Variants in MCTP1 observed in about 807,000 individuals in gnomAD.
MCTP1 encodes multiple C2 and transmembrane domain-containing protein 1.
Under a neutral mutation model 120.6 loss-of-function variants are expected in MCTP1, and 69 were observed. That is an observed-to-expected ratio of 0.57 (90% confidence interval 0.47 to 0.70). The LOEUF is 0.70. MCTP1 is among the 30% of genes least tolerant of loss of function. The pLI, the probability that MCTP1 is intolerant of heterozygous loss-of-function variation, is 0.00. For synonymous variants in MCTP1, 529 were observed against 493.1 expected (o/e 1.07, Z -0.96); for missense variants, 1,203 against 1,248.8 (o/e 0.96, Z 0.55).
chr5:94,911,001 A>G (rs976949524), intron 9 of MCTP1, among the ~76,000 whole-genome samples: 1 of 152,104 alleles, frequency 6.6e-6, no homozygotes, highest in African/African-American at 2.4e-5. Context: ...TCCCTATATT[A>G]TTTCCTTCAG....
chr5:95,166,391 T>C (rs1746360462), intron 1 of MCTP1, among the ~76,000 whole-genome samples: 1 of 152,194 alleles, frequency 6.6e-6, no homozygotes, highest in South Asian at 2.1e-4. Context: ...GGTAAGTGTA[T>C]GTTTCATAAA....
intron 1 of MCTP1, among the ~76,000 whole-genome samples, chr5:95,061,422 T>TTTTTTTTTTTTTTTTTTTTTG (rs1749135757): frequency 3.3e-5 from 1 of 30,526 alleles, no homozygotes; most frequent in Non-Finnish European, 6.7e-5. Context: ...TTTTTTTTTT[T>TTTTTTTTTTTTTTTTTTTTTG]TTTTTTTTTT....
chr5:94,832,513 T>C (rs1005732901), intron 17 of MCTP1, among the ~76,000 whole-genome samples: 3 of 152,114 alleles, frequency 2.0e-5, no homozygotes, highest in Non-Finnish European at 4.4e-5. Flanking sequence ...TTTGAAAACA[T>C]GTATTTGGCT....
chr5:95,076,551 C>T (rs1753622362), intron 1 of MCTP1, among the ~76,000 whole-genome samples: 1 of 151,716 alleles, frequency 6.6e-6, no homozygotes, highest in African/African-American at 2.4e-5. Context: ...GAAACTGAGT[C>T]TCAGACTGCA....
chr5:94,707,516 T>C lies in MCTP1; in HGVS notation c.2980A>G (p.Lys994Glu). ...GCTGGCTAGCCAAGATTGTTTTTCT[T>C]TCTTTTATATGGGCTATGAGAAGGA... ...PDPSHSPYKR[K>E]KNNLG Residue 994 changes from lysine (K) to glutamate (E), a missense_variant, in exon 23 of 23, where the codon AAG (lysine) becomes GAG (glutamate). Around this residue, in one of 2 missense-constraint regions of MCTP1, gnomAD observed 740 missense variants for 871.1 expected, o/e 0.85. Transcript: ENST00000515393. The C allele has an allele frequency of 6.2e-7, 1 of 1,611,908 alleles. No homozygotes were observed. The highest frequency in any genetic ancestry group is 1.7e-4 in the Middle Eastern group (1 of 6,042).
intron 2 of MCTP1, among the ~76,000 whole-genome samples, chr5:94,973,418 T>A (rs1000822638): frequency 2.0e-5 from 3 of 152,202 alleles, no homozygotes; most frequent in African/African-American, 7.2e-5. Context: ...ATTTGGCAAT[T>A]ATTAATTCTG....
chr5:94,750,168 T>C (rs1203565447), intron 19 of MCTP1, among the ~76,000 whole-genome samples: 1 of 152,222 alleles, frequency 6.6e-6, no homozygotes, highest in Non-Finnish European at 1.5e-5. Flanking sequence ...CCTTATGCTA[T>C]TGTTTATGCC....
At chr5:94,945,500 T>G (rs1054681102) in intron 3 of MCTP1, among the ~76,000 whole-genome samples, 11 of 152,182 alleles carry the variant, frequency 7.2e-5, no homozygotes, top group African/African-American at 2.7e-4. Context: ...AAATTATTCA[T>G]GCACTTATTA....
chr5:95,032,865 G>A (rs1840560454), intron 1 of MCTP1, among the ~76,000 whole-genome samples: 1 of 151,964 alleles, frequency 6.6e-6, no homozygotes. Flanking sequence ...AAAAAAGAGA[G>A]AAGGTTCAAA....
At chr5:95,006,214 G>T (rs1292771319) in intron 2 of MCTP1, among the ~76,000 whole-genome samples, 1 of 151,872 alleles carries the variant, frequency 6.6e-6, no homozygotes, top group Non-Finnish European at 1.5e-5. Flanking sequence ...CGCTATATAT[G>T]TATTATTCAG....
In MCTP1 at chr5:95,284,565, C is replaced by T. The variant is rs1171453776; in HGVS notation, c.11G>A (p.Arg4Gln). The part of the protein sequence containing the change: MEP[R>Q]AAAAGEPEPP... The stretch of plus-strand genomic sequence containing the variant: ...CTCTGGCTCGCCCGCCGCGGCAGCC[C>T]GGGGCTCCATCCTCCACCCCCTGCT... The change falls in exon 1 of 23, where the codon CGG becomes CAG. Residue 4 changes from arginine to glutamine, a missense_variant. By Grantham distance (43) the Arg-to-Gln change is conservative. Transcript: ENST00000515393. This position sits in a 1 kb window ranked among gnomAD's most constrained non-coding sequence, Gnocchi z 5.2. The T allele has an allele frequency of 2.8e-6, 4 of 1,438,734 alleles. No individual in the cohort carries two copies. In the South Asian group the frequency reaches 4.4e-5, roughly 16 times the overall value. 89.1% of individuals were successfully genotyped at this position (1,438,734 alleles called of 1,614,324 possible).
chr5:94,976,522 T>G (rs1440222396), intron 2 of MCTP1, among the ~76,000 whole-genome samples: 1 of 151,582 alleles, frequency 6.6e-6, no homozygotes, highest in Non-Finnish European at 1.5e-5. Context: ...CTTCTAAGAG[T>G]TTTTTATTTG....
At chr5:95,020,861 C>T (rs1475912849) in intron 1 of MCTP1, among the ~76,000 whole-genome samples, 1 of 151,988 alleles carries the variant, frequency 6.6e-6, no homozygotes, top group Non-Finnish European at 1.5e-5. Context: ...CTTTATAATA[C>T]ATTAAGTTCC....
At position 94,908,663 on chromosome 5, in the gene MCTP1, T is replaced by C. The variant is rs187369627; in HGVS notation, c.1652+588A>G. On this transcript the variant is annotated intron_variant, in intron 10 of 22. Transcript: ENST00000515393. ...ACATAGGCTTTAAATTAAGAAAACA[T>C]ATGATTCAAGTAGTCACTCAAAATA... Among the ~76,000 whole-genome samples, 1,161 of 151,880 alleles carry C rather than the reference T, an allele frequency of 7.6e-3. 12 individuals carry two copies. The highest frequency in any genetic ancestry group is 0.026 in the African/African-American group (1,057 of 41,376).
At chr5:95,004,946 T>G (rs309807) in intron 2 of MCTP1, among the ~76,000 whole-genome samples, 8,428 of 152,220 alleles carry the variant, frequency 0.055, 301 homozygotes, top group Non-Finnish European at 0.086. Flanking sequence ...TATCAACAGC[T>G]TGCAACATGT....
intron 1 of MCTP1, among the ~76,000 whole-genome samples, chr5:95,072,954 C>T (rs1752621874): frequency 1.3e-5 from 2 of 151,960 alleles, no homozygotes; most frequent in South Asian, 4.2e-4. Flanking sequence ...ACCGTGTTAG[C>T]CAGGATGGTC....
At chr5:94,749,480 C>T (rs1413306112) in intron 19 of MCTP1, among the ~76,000 whole-genome samples, 1 of 151,916 alleles carries the variant, frequency 6.6e-6, no homozygotes, top group East Asian at 1.9e-4. Flanking sequence ...CATGGCGAAA[C>T]CCTGTCTCTA....
At chr5:95,059,204 G>A (rs1359289740) in intron 1 of MCTP1, among the ~76,000 whole-genome samples, 3 of 75,886 alleles carry the variant, frequency 4.0e-5, no homozygotes, top group Non-Finnish European at 7.0e-5. Flanking sequence ...TAAGGAAAAT[G>A]TGGCATATAT....
intron 1 of MCTP1, among the ~76,000 whole-genome samples, chr5:95,185,722 G>T (rs1374662467): frequency 5.3e-5 from 8 of 151,942 alleles, no homozygotes; most frequent in Admixed American, 3.9e-4. Flanking sequence ...GTGAGGCCAG[G>T]CATGGTGGTT....
Sources: gnomAD v4.1 joint callset for allele counts (sites outside exome capture counted in the v4.1 genomes callset) on GRCh38, gnomAD v4.1.1 for gene constraint, gnomAD v4.1.1 regional missense constraint, Gnocchi (gnomAD v3.1) non-coding constraint, MANE v1.5 for transcripts, NCBI Gene and HGNC (gene_info 2026-07-23, HGNC 2026-07-21) for gene names.